The following GHR variants were observed in gnomAD, a reference collection of about 807,000 sequenced individuals.
GHR encodes GH receptor.
A neutral mutation model predicts 67.1 loss-of-function variants in GHR; 35 were observed. That is an observed-to-expected ratio of 0.52 (90% CI 0.40 to 0.69). The LOEUF (loss-of-function observed/expected upper bound fraction) is 0.69. Among genes scored for constraint, GHR ranks in the 30% least tolerant of loss-of-function variants. The probability of loss-of-function intolerance (pLI) is 0.00; values close to 1 mark genes in which losing one functional copy is unlikely to be tolerated. For missense variants in GHR, 792 were observed against 764.6 expected (o/e 1.04, Z -0.42); for synonymous variants, 272 against 269.1 (o/e 1.01, Z -0.10).
Position 42,618,980 on chromosome 5 carries a change from A to T in GHR, c.71-10058A>T, listed in dbSNP as rs1326843915. Among the ~76,000 whole-genome samples the T allele has an allele frequency of 5.9e-5, 9 of 152,212 alleles. No homozygotes were observed. In the East Asian group the frequency reaches 1.7e-3, roughly 29 times the overall value. On this transcript the variant is annotated intron_variant, in intron 2 of 9. Coordinates refer to ENST00000230882, the MANE Select transcript of GHR (RefSeq NM_000163.5). ...AATAAGTGCTCAATAATATGTCTTG[A>T]AAAAACAAATGGCCCTCTGGTCTGT...
intron 1 of GHR, among the ~76,000 whole-genome samples, chr5:42,491,018 A>G (rs1480893009): frequency 1.3e-5 from 2 of 152,226 alleles, no homozygotes; most frequent in African/African-American, 4.8e-5. Context: ...TCCGCTGAGG[A>G]TTAATTCCAG....
intron 3 of GHR, among the ~76,000 whole-genome samples, chr5:42,646,610 A>G (rs993815943): frequency 6.6e-6 from 1 of 152,194 alleles, no homozygotes; most frequent in South Asian, 2.1e-4. Flanking sequence ...ATATTTCTTA[A>G]GGGAATGAAT....
intron 1 of GHR, among the ~76,000 whole-genome samples, chr5:42,518,882 A>G (rs1398141158): frequency 6.6e-6 from 1 of 151,668 alleles, no homozygotes; most frequent in Non-Finnish European, 1.5e-5. Context: ...CTTGAAATAG[A>G]AAAAAAAAGT....
At chr5:42,622,691 T>C (rs2112719075) in intron 2 of GHR, among the ~76,000 whole-genome samples, 1 of 152,304 alleles carries the variant, frequency 6.6e-6, no homozygotes, top group Non-Finnish European at 1.5e-5. Flanking sequence ...GCACTGTCTA[T>C]TCAGGGGTGT....
chr5:42,699,785 GTGTC>G (rs1561238926), intron 5 of GHR, 35 bp from the exon 6 acceptor site: 5 of 1,352,870 alleles, frequency 3.7e-6, no homozygotes, highest in Non-Finnish European at 5.3e-6. Flanking sequence ...ATATTAAATT[GTGTC>G]TGTCTGTGTA....
chr5:42,695,162 T>G, intron 5 of GHR, 73 bp downstream of exon 5: 1 of 987,002 alleles, frequency 1.0e-6, no homozygotes, highest in Non-Finnish European at 1.6e-6. Flanking sequence ...AAGGTCCAAG[T>G]ATAATCAAGT....
At chr5:42,706,269 G>T (rs910019547) in intron 6 of GHR, among the ~76,000 whole-genome samples, 2 of 151,946 alleles carry the variant, frequency 1.3e-5, no homozygotes, top group Non-Finnish European at 2.9e-5. Flanking sequence ...TTGATTTAAA[G>T]TTCCTTATAG....
chr5:42,540,556 CG>C (rs1748460804), intron 1 of GHR, among the ~76,000 whole-genome samples: 1 of 152,106 alleles, frequency 6.6e-6, no homozygotes, highest in Non-Finnish European at 1.5e-5. Flanking sequence ...TTCTAACCTA[CG>C]GGAAGCCTGT....
chr5:42,664,860 A>G (rs1755868975), intron 3 of GHR, among the ~76,000 whole-genome samples: 1 of 152,250 alleles, frequency 6.6e-6, no homozygotes. Flanking sequence ...CAAAGGGATA[A>G]TATCCAGAAT....
chr5:42,609,709 C>T (rs537627816), intron 2 of GHR, among the ~76,000 whole-genome samples: 31 of 152,184 alleles, frequency 2.0e-4, no homozygotes, highest in Non-Finnish European at 2.4e-4. Flanking sequence ...TGGGAGAACA[C>T]GAAATTAGGA....
In GHR at chr5:42,718,954, A is replaced by G. The variant is rs1340422154; in HGVS notation, c.1447A>G (p.Asn483Asp). 1.2e-6 allele frequency: 2 copies of G among 1,613,596 alleles called. No individual in the cohort carries two copies. The highest frequency in any genetic ancestry group is 2.2e-5 in the South Asian group (2 of 91,064). The change falls in exon 10 of 10, where the codon AAC (asparagine) becomes GAC (aspartate). Residue 483 changes from asparagine (N) to aspartate (D), a missense_variant. Asn to Asp is a conservative substitution (Grantham distance 23). Transcript: ENST00000230882. The stretch of plus-strand genomic sequence containing the variant: ...GCTAAGCAATCCAAGTTCACTGTCA[A>G]ACATCGACTTTTATGCCCAGGTGAG... ...IQLSNPSSLS[N>D]IDFYAQVSDI...
intron 1 of GHR, among the ~76,000 whole-genome samples, chr5:42,527,731 C>T (rs899202097): frequency 1.3e-5 from 2 of 152,164 alleles, no homozygotes; most frequent in East Asian, 3.9e-4. Flanking sequence ...CAGAACTCTC[C>T]ACCTAAAAAT....
chr5:42,614,731 G>A (rs1753059564), intron 2 of GHR, among the ~76,000 whole-genome samples: 1 of 151,900 alleles, frequency 6.6e-6, no homozygotes, highest in South Asian at 2.1e-4. Flanking sequence ...CATTTCAAAT[G>A]TGGTGGGAGT....
At chr5:42,524,893 G>A (rs1747640556) in intron 1 of GHR, among the ~76,000 whole-genome samples, 1 of 152,222 alleles carries the variant, frequency 6.6e-6, no homozygotes, top group Admixed American at 6.5e-5. Context: ...TATTGAGCCT[G>A]TGGGTGCACA....
chr5:42,697,505 G>A (rs1423266273), intron 5 of GHR, among the ~76,000 whole-genome samples: 1 of 151,930 alleles, frequency 6.6e-6, no homozygotes, highest in African/African-American at 2.4e-5. Flanking sequence ...AAGGATTGGA[G>A]AGGATAATTA....
chr5:42,443,962 G>GATATAC (rs1323073802), intron 1 of GHR, among the ~76,000 whole-genome samples: 2 of 148,640 alleles, frequency 1.3e-5, no homozygotes, highest in Non-Finnish European at 1.5e-5. Context: ...GATATAGATA[G>GATATAC]ATATAGATAT....
chr5:42,566,526 T>C (rs1216286426), intron 2 of GHR, among the ~76,000 whole-genome samples: 1 of 152,236 alleles, frequency 6.6e-6, no homozygotes, highest in Admixed American at 6.5e-5. Flanking sequence ...CCCTTTTTTA[T>C]ATCCCTCTCC....
Position 42,499,303 on chromosome 5 carries a change from A to G in GHR, c.-11-66561A>G, listed in dbSNP as rs1262760624. Among the ~76,000 whole-genome samples, 3 of 152,166 alleles carry G rather than the reference A, an allele frequency of 2.0e-5. No individual in the cohort carries two copies. The East Asian group carries it at 5.8e-4, about 29-fold the overall frequency. On this transcript the variant is annotated intron_variant, in intron 1 of 9. Transcript: ENST00000230882. The stretch of plus-strand genomic sequence containing the variant: ...AACTCTAGCTGGGTAGGGAATTGAC[A>G]AGTTGAACCACAAGTTGACTACTGT...
chr5:42,440,510 G>A (rs1743518259), intron 1 of GHR, among the ~76,000 whole-genome samples: 2 of 152,198 alleles, frequency 1.3e-5, no homozygotes, highest in Admixed American at 6.5e-5. Context: ...AGCCAGAAAA[G>A]TAAGCAGGGA....
Sources: gnomAD v4.1 joint callset for allele counts (sites outside exome capture counted in the v4.1 genomes callset) on GRCh38, gnomAD v4.1.1 for gene constraint, MANE v1.5 for transcripts, NCBI Gene and HGNC (gene_info 2026-07-23, HGNC 2026-07-21) for gene names.